Variants in GRID2 observed in about 807,000 individuals in gnomAD.
GRID2 encodes the protein glutamate receptor ionotropic, delta-2.
Under a neutral mutation model 114.8 loss-of-function variants are expected in GRID2, and 33 were observed. The ratio of observed to expected loss-of-function variants is 0.29; its 90% CI spans 0.22 to 0.38. The LOEUF is 0.38. Among genes scored for constraint, GRID2 ranks in the 10% least tolerant of loss-of-function variants. The probability of loss-of-function intolerance (pLI) is 1.00; values close to 1 mark genes in which losing one functional copy is unlikely to be tolerated. For synonymous variants in GRID2, 505 were observed against 449.9 expected, an observed-to-expected ratio of 1.12 and a Z score of -1.55; for missense variants, 1,184 against 1,257.7, an observed-to-expected ratio of 0.94 and a Z score of 0.89.
intron 2 of GRID2, among the ~76,000 whole-genome samples, chr4:92,787,907 G>T (rs1739397737): frequency 6.6e-6 from 1 of 151,780 alleles, no homozygotes. Flanking sequence ...TTGATATGCA[G>T]TGTGTTAGAG....
chr4:93,600,784 A>G (rs1219624727), intron 13 of GRID2, among the ~76,000 whole-genome samples: 1 of 152,222 alleles, frequency 6.6e-6, no homozygotes, highest in Admixed American at 6.5e-5. Context: ...AACGTCCAAC[A>G]ATGGGGAAAT....
intron 8 of GRID2, among the ~76,000 whole-genome samples, chr4:93,343,170 G>GTGTGTGTGTT (rs1212377093): frequency 5.0e-5 from 1 of 20,078 alleles, no homozygotes; most frequent in Non-Finnish European, 9.7e-5. Flanking sequence ...GTGTGTGTGT[G>GTGTGTGTGTT]TGTGTGTGTG....
intron 4 of GRID2, among the ~76,000 whole-genome samples, chr4:93,143,290 TTTACTC>T (rs763934080): frequency 3.2e-4 from 48 of 152,318 alleles, no homozygotes; most frequent in Non-Finnish European, 5.4e-4. Context: ...AACCAAATAT[TTTACTC>T]TTAATCACCA....
chr4:93,436,448 G>A (rs749461229), intron 10 of GRID2, among the ~76,000 whole-genome samples: 12 of 152,100 alleles, frequency 7.9e-5, no homozygotes, highest in Non-Finnish European at 1.8e-4. Flanking sequence ...TGCCCAGGTG[G>A]AGCACTGAGA....
At chr4:93,016,983 G>T (rs1371221715) in intron 2 of GRID2, among the ~76,000 whole-genome samples, 2 of 152,128 alleles carry the variant, frequency 1.3e-5, no homozygotes, top group Admixed American at 1.3e-4. Context: ...GCACAGAAAA[G>T]ATGAATTCAT....
At chr4:93,311,316 T>A (rs1755986671) in intron 8 of GRID2, among the ~76,000 whole-genome samples, 1 of 152,134 alleles carries the variant, frequency 6.6e-6, no homozygotes, top group Admixed American at 6.5e-5. Context: ...AGGTTGCAGG[T>A]CTGCTTGTCA....
chr4:92,575,266 T>C (rs1452277388), intron 1 of GRID2, among the ~76,000 whole-genome samples: 2 of 152,222 alleles, frequency 1.3e-5, no homozygotes, highest in African/African-American at 2.4e-5. Context: ...CATGCTCCTT[T>C]AGCTCAGCAA....
At chr4:92,903,162 G>A (rs1413002131) in intron 2 of GRID2, among the ~76,000 whole-genome samples, 2 of 151,102 alleles carry the variant, frequency 1.3e-5, no homozygotes, top group East Asian at 1.9e-4. Context: ...TCATTTTAAC[G>A]ATACTGATTC....
chr4:92,830,274 G>C (rs984961122), intron 2 of GRID2, among the ~76,000 whole-genome samples: 1 of 151,164 alleles, frequency 6.6e-6, no homozygotes, highest in African/African-American at 2.4e-5. Context: ...GCAGTAAGTA[G>C]GACAACTGGG....
chr4:93,330,684 C>G (rs1240435437), intron 8 of GRID2, among the ~76,000 whole-genome samples: 1 of 152,088 alleles, frequency 6.6e-6, no homozygotes, highest in Non-Finnish European at 1.5e-5. Flanking sequence ...CTTTGTCTTC[C>G]ATATATCTGT....
At chr4:93,335,207 A>G (rs1228419138) in intron 8 of GRID2, among the ~76,000 whole-genome samples, 1 of 152,224 alleles carries the variant, frequency 6.6e-6, no homozygotes, top group African/African-American at 2.4e-5. Flanking sequence ...TGATATTCAC[A>G]TATTTCAATG....
chr4:92,813,041 T>G (rs138278855), intron 2 of GRID2, among the ~76,000 whole-genome samples: 1 of 152,272 alleles, frequency 6.6e-6, no homozygotes, highest in African/African-American at 2.4e-5. Flanking sequence ...TTTTAAGATA[T>G]GTGTATATAC....
intron 4 of GRID2, among the ~76,000 whole-genome samples, chr4:93,155,831 G>C (rs933009732): frequency 1.3e-5 from 2 of 151,540 alleles, no homozygotes; most frequent in African/African-American, 4.8e-5. Flanking sequence ...GGGTAGCGAG[G>C]GCATGGGGGG....
chr4:92,487,385 A>C (rs923381734), intron 1 of GRID2, among the ~76,000 whole-genome samples: 1 of 151,890 alleles, frequency 6.6e-6, no homozygotes, highest in South Asian at 2.1e-4. Flanking sequence ...TCCAATTTCT[A>C]TCTGTTATTA....
chr4:92,847,435 G>T (rs905446720), intron 2 of GRID2, among the ~76,000 whole-genome samples: 2 of 151,850 alleles, frequency 1.3e-5, no homozygotes. Context: ...GTTATATCTC[G>T]CTGGCCTCTC....
chr4:93,653,540 A>G (rs904683083), intron 14 of GRID2, among the ~76,000 whole-genome samples: 1 of 152,148 alleles, frequency 6.6e-6, no homozygotes, highest in African/African-American at 2.4e-5. Flanking sequence ...CCAACACAAC[A>G]TTCACAAACC....
chr4:93,135,568 A>G (rs1579085959), intron 4 of GRID2, among the ~76,000 whole-genome samples: 2 of 152,214 alleles, frequency 1.3e-5, no homozygotes, highest in East Asian at 3.9e-4. Flanking sequence ...CTACTGTATG[A>G]TCTGCTTTCT....
rs70940890 is a variant in GRID2 at position 92,460,053 on chromosome 4, TACAC to T, written c.89-130072_89-130069del. Among the ~76,000 whole-genome samples, 111 of 99,648 alleles carry T rather than the reference TACAC, an allele frequency of 1.1e-3. 9 individuals carry two copies. The highest frequency in any genetic ancestry group is 3.0e-3 in the African/African-American group (77 of 25,588). 65.4% of individuals were successfully genotyped at this position (99,648 alleles called of 152,430 possible). On this transcript the variant is annotated intron_variant, in intron 1 of 15. Transcript: ENST00000282020. ...CTCACTATATATATATATATATATA[TACAC>T]ACACAACTTTTTGGTTCTGTTTCTC... is the stretch of plus-strand genomic sequence containing the variant.
chr4:92,661,078 T>A (rs1212405235), intron 2 of GRID2, among the ~76,000 whole-genome samples: 1 of 150,846 alleles, frequency 6.6e-6, no homozygotes, highest in Non-Finnish European at 1.5e-5. Context: ...GCAGAGTGTA[T>A]CATTATCAGC....
Sources: gnomAD v4.1 joint callset for allele counts (sites outside exome capture counted in the v4.1 genomes callset) on GRCh38, gnomAD v4.1.1 for gene constraint, MANE v1.5 for transcripts, NCBI Gene and HGNC (gene_info 2026-07-23, HGNC 2026-07-21) for gene names.